Variants in SKI observed in about 807,000 individuals in gnomAD.
SKI encodes ski oncogene.
A neutral mutation model predicts 59.3 loss-of-function variants in SKI; 23 were observed. That is an observed-to-expected ratio of 0.39 (90% CI 0.28 to 0.55). The LOEUF (loss-of-function observed/expected upper bound fraction) is 0.55, where lower values mean the gene tolerates loss of function less well. Among genes scored for constraint, SKI ranks in the 20% least tolerant of loss-of-function variants. The pLI, the probability that SKI is intolerant of heterozygous loss-of-function variation, is 0.67. For synonymous variants in SKI, 673 were observed against 488.6 expected (o/e 1.38, Z -4.98); for missense variants, 1,017 against 1,038.9 (o/e 0.98, Z 0.29).
intron 1 of SKI, among the ~76,000 whole-genome samples, chr1:2,280,190 A>C (rs1639840960): frequency 6.6e-6 from 1 of 151,438 alleles, no homozygotes. Flanking sequence ...TGATATGGTG[A>C]AACCACGTAT....
chr1:2,252,429 C>T (rs1028498129), intron 1 of SKI, among the ~76,000 whole-genome samples: 1 of 152,186 alleles, frequency 6.6e-6, no homozygotes. Context: ...AGCTTGGTCC[C>T]GGGTCCCACC....
chr1:2,284,466 G>A (rs1359029564), intron 1 of SKI, among the ~76,000 whole-genome samples: 1 of 152,196 alleles, frequency 6.6e-6, no homozygotes, highest in Non-Finnish European at 1.5e-5. Context: ...GCAGCTCCGT[G>A]TGAAGTAGAG....
intron 1 of SKI, among the ~76,000 whole-genome samples, chr1:2,300,204 A>G (rs904066784): frequency 6.6e-6 from 1 of 152,216 alleles, no homozygotes; most frequent in African/African-American, 2.4e-5. Flanking sequence ...CAGGAGGGGA[A>G]GTGGCCGCGG....
chr1:2,228,602 T>A lies in SKI; in HGVS notation c.-165T>A, dbSNP rs1638555288. 1 of 166,876 alleles carries A rather than the reference T, an allele frequency of 6.0e-6. No individual in the cohort carries two copies. The highest frequency in any genetic ancestry group is 2.2e-4 in the East Asian group (1 of 4,580). The allele number at this position is 166,876 out of a possible 1,614,324, so 10.3% of individuals were successfully genotyped here. On this transcript the variant is annotated 5_prime_UTR_variant, in exon 1 of 7. Coordinates refer to ENST00000378536, the MANE Select transcript of SKI (RefSeq NM_003036.4). ...CCCCTTCGCCCCGCCCGCCTTCCCC[T>A]TCGCGCCCCCGGGCGAGGCCGCGGC... is the stretch of plus-strand genomic sequence containing the variant.
Position 2,304,448 on chromosome 1 carries a change from C to A in SKI, c.1630C>A (p.His544Asn), listed in dbSNP as rs868285274. Residue 544 changes from histidine to asparagine, a missense_variant, in exon 5 of 7, where the codon CAC (histidine) becomes AAC (asparagine). By Grantham distance (68) the His-to-Asn change is moderately conservative (BLOSUM62 1). Transcript: ENST00000378536. ...CAGTGGGCTGGAGGCGGAGCTGGAG[C>A]ACCTGCGGCAGGCACTGGAGGGCGG... Reference protein sequence around the residue: ...APSGLEAELEHLRQALEGGLD... With the variant: ...APSGLEAELENLRQALEGGLD... 2 of 1,564,220 alleles carry A rather than the reference C, an allele frequency of 1.3e-6. No individual in the cohort carries two copies. The highest frequency in any genetic ancestry group is 1.7e-6 in the Non-Finnish European group (2 of 1,155,504).
intron 1 of SKI, among the ~76,000 whole-genome samples, chr1:2,278,608 C>G (rs2100867479): frequency 6.6e-6 from 1 of 152,026 alleles, no homozygotes; most frequent in African/African-American, 2.4e-5. Flanking sequence ...CCAGACCCAC[C>G]AACTCCTGTG....
intron 1 of SKI, among the ~76,000 whole-genome samples, chr1:2,283,904 G>A (rs914876192): frequency 3.9e-5 from 6 of 152,314 alleles, no homozygotes; most frequent in African/African-American, 1.2e-4. Flanking sequence ...ACCCGCTGGC[G>A]GGTGGGGGCC....
chr1:2,234,967 C>T (rs61776614), intron 1 of SKI, among the ~76,000 whole-genome samples: 8,448 of 151,678 alleles, frequency 0.056, 300 homozygotes, highest in Non-Finnish European at 0.08. Flanking sequence ...GCCTCCAGAG[C>T]GGGTGGTAGG....
At position 2,306,722 on chromosome 1, in the gene SKI, CCGAGGCTGCGGGCAG is replaced by C. The variant is rs1299230434; in HGVS notation, c.2150_2164del (p.Ala717_Glu721del). The C allele has an allele frequency of 6.5e-7, 1 of 1,534,642 alleles. No homozygotes were observed. Among genetic ancestry groups the C allele is most frequent in the African/African-American group, 1.4e-5 (1 of 71,358 alleles). ...GAACAGCTGTGGCCGCGGGCCCGCC[CCGAGGCTGCGGGCAG>C]CGAGGGCGCTGCGGAGCTGGAGCCG... On this transcript the variant is annotated inframe_deletion, in exon 7 of 7. Coordinates refer to ENST00000378536, the MANE Select transcript of SKI (RefSeq NM_003036.4).
intron 1 of SKI, among the ~76,000 whole-genome samples, chr1:2,259,198 C>T (rs919563313): frequency 6.6e-6 from 1 of 152,224 alleles, no homozygotes; most frequent in Non-Finnish European, 1.5e-5. Context: ...CCACCGCCCT[C>T]GCCGGTGCTG....
intron 1 of SKI, among the ~76,000 whole-genome samples, chr1:2,254,024 C>T (rs550361013): frequency 2.6e-5 from 4 of 152,342 alleles, no homozygotes; most frequent in Admixed American, 1.3e-4. Flanking sequence ...CGTGCCTGGT[C>T]GTCAGGCCAC....
At chr1:2,236,925 A>G (rs1638760635) in intron 1 of SKI, among the ~76,000 whole-genome samples, 1 of 152,202 alleles carries the variant, frequency 6.6e-6, no homozygotes, top group African/African-American at 2.4e-5. Flanking sequence ...CTCCTGTTCT[A>G]GGCTTCCTGC....
rs1195640915 is a variant in SKI at position 2,269,083 on chromosome 1, A to G, written c.970-33895A>G. Among the ~76,000 whole-genome samples, 1 of 152,150 alleles carries G rather than the reference A, an allele frequency of 6.6e-6. No individual in the cohort carries two copies. The highest frequency in any genetic ancestry group is 1.5e-5 in the Non-Finnish European group (1 of 68,040). ...CTCAGCCTCATGAGTAGCCGAGACT[A>G]CAGGCACACACCACTACATCTGGCT... On this transcript the variant is annotated intron_variant, in intron 1 of 6. Transcript: ENST00000378536. This position sits in a 1 kb window ranked among gnomAD's most constrained non-coding sequence, Gnocchi z 4.7.
At chr1:2,306,436 T>A (rs1242019775) in intron 6 of SKI, 141 bp from the exon 7 acceptor site, 2 of 1,013,682 alleles carry the variant, frequency 2.0e-6, no homozygotes, top group Non-Finnish European at 2.8e-6. Flanking sequence ...CGTGAGCCTG[T>A]GTCCTAGCAG....
intron 1 of SKI, among the ~76,000 whole-genome samples, chr1:2,272,042 T>C (rs1639634065): frequency 6.6e-6 from 1 of 151,836 alleles, no homozygotes; most frequent in South Asian, 2.1e-4. Context: ...GCGGAGGGGC[T>C]TGGGGGCCCC....
chr1:2,272,802 C>T (rs748063996), intron 1 of SKI, among the ~76,000 whole-genome samples: 28 of 152,152 alleles, frequency 1.8e-4, no homozygotes, highest in African/African-American at 5.1e-4. Context: ...ACCCTGGGAC[C>T]GGTGAGGCAG....
chr1:2,247,396 C>T (rs375867501), intron 1 of SKI, among the ~76,000 whole-genome samples: 2 of 152,196 alleles, frequency 1.3e-5, no homozygotes, highest in South Asian at 2.1e-4. Flanking sequence ...CAGCGTGCTT[C>T]TCCCTCCTTT....
At chr1:2,263,895 G>A (rs1639441362) in intron 1 of SKI, among the ~76,000 whole-genome samples, 1 of 151,328 alleles carries the variant, frequency 6.6e-6, no homozygotes, top group Non-Finnish European at 1.5e-5. Flanking sequence ...GTTTCGTGGG[G>A]CTAGGCATGG....
rs181586082 is a variant in SKI at position 2,241,507 on chromosome 1, C to T, written c.969+11772C>T. 3.6e-3 allele frequency among the ~76,000 whole-genome samples: 546 copies of T among 152,282 alleles called. 3 individuals carry two copies. Among genetic ancestry groups the T allele is most frequent in the South Asian group, 0.013 (62 of 4,826 alleles). ...TCCCGGGTTCACGCCATTCTCCTGC[C>T]TCAGCCTCCCGAGTAGCTGGGACTA... On this transcript the variant is annotated intron_variant, in intron 1 of 6. Transcript: ENST00000378536.
Sources: gnomAD v4.1 joint callset for allele counts (sites outside exome capture counted in the v4.1 genomes callset) on GRCh38, gnomAD v4.1.1 for gene constraint, Gnocchi (gnomAD v3.1) non-coding constraint, MANE v1.5 for transcripts, NCBI Gene and HGNC (gene_info 2026-07-23, HGNC 2026-07-21) for gene names.